The following PTPRN2 variants were observed in gnomAD, a reference collection of about 807,000 sequenced individuals.
The protein encoded by PTPRN2 is receptor-type tyrosine-protein phosphatase N2.
PTPRN2 carries 74 observed loss-of-function variants against 118.8 expected under a neutral mutation model. The ratio of observed to expected loss-of-function variants is 0.62; its 90% CI spans 0.52 to 0.76. The LOEUF is 0.76. PTPRN2 is among the 30% of genes least tolerant of loss of function. PTPRN2 has a pLI of 0.00. For synonymous variants in PTPRN2, 641 were observed against 608.0 expected (o/e 1.05, Z -0.80); for missense variants, 1,481 against 1,394.4 (o/e 1.06, Z -0.99).
chr7:158,532,919 C>T, intron 1 of PTPRN2: 1 of 446,524 alleles, frequency 2.2e-6, no homozygotes, highest in Non-Finnish European at 4.7e-6. Context: ...ACACCTGCTC[C>T]CTCCTGACTG....
At chr7:157,646,419 T>C (rs1036481922) in intron 14 of PTPRN2, among the ~76,000 whole-genome samples, 1 of 152,190 alleles carries the variant, frequency 6.6e-6, no homozygotes, top group Non-Finnish European at 1.5e-5. Flanking sequence ...CATGACTGGA[T>C]ACTTCCTGAG....
chr7:157,638,804 C>G lies in PTPRN2; in HGVS notation c.2197-17295G>C, dbSNP rs544439009. On this transcript the variant is annotated intron_variant, in intron 14 of 22. Coordinates refer to ENST00000389418, the MANE Select transcript of PTPRN2 (RefSeq NM_002847.5). ...CAGCTGCCTTGTCGTCACTCAGCCA[C>G]GTGGACCACCTGGACTTCCCTAAGG... Among the ~76,000 whole-genome samples the G allele has an allele frequency of 6.6e-5, 10 of 152,296 alleles. No homozygotes were observed. In the East Asian group the frequency reaches 1.9e-3, roughly 29 times the overall value.
rs58042596 is a variant in PTPRN2, at chr7:158,306,863, T to G, written c.277+9956A>C. On this transcript the variant is annotated intron_variant, in intron 3 of 22. Coordinates refer to ENST00000389418, the MANE Select transcript of PTPRN2 (RefSeq NM_002847.5). Reference sequence around the variant, plus strand: ...TAAATGAGCTGTTTTTTGTTTTTTTTTTTTTTTTTTTTTTTTTTTTTTAGA... The same window carrying G: ...TAAATGAGCTGTTTTTTGTTTTTTTGTTTTTTTTTTTTTTTTTTTTTTAGA... Among the ~76,000 whole-genome samples the G allele has an allele frequency of 1.0e-3, 88 of 85,296 alleles. 1 individual carries two copies. Among genetic ancestry groups the G allele is most frequent in the Middle Eastern group, 6.8e-3 (1 of 148 alleles). 56.0% of individuals were successfully genotyped at this position (85,296 alleles called of 152,430 possible).
chr7:158,267,898 C>T (rs1255523446), intron 3 of PTPRN2, among the ~76,000 whole-genome samples: 3 of 152,206 alleles, frequency 2.0e-5, no homozygotes, highest in African/African-American at 4.8e-5. Context: ...CCTCCTTCAC[C>T]TCACCTCCCT....
intron 1 of PTPRN2, among the ~76,000 whole-genome samples, chr7:158,514,082 C>T (rs1031455812): frequency 3.9e-5 from 6 of 152,248 alleles, no homozygotes; most frequent in African/African-American, 7.2e-5. Context: ...TCAAATGAGG[C>T]GGATGGAAGC....
chr7:157,787,054 G>A lies in PTPRN2; in HGVS notation c.1789-104117C>T, dbSNP rs1357398834. On this transcript the variant is annotated intron_variant, in intron 12 of 22. Transcript: ENST00000389418. This position sits in a 1 kb window ranked among gnomAD's most constrained non-coding sequence, Gnocchi z 5.3. Reference sequence around the variant, plus strand: ...GCGGGGGACGCGGGGGTGGCTGCCCGGGAGGCGGACGCGGGTGCGGCGGGG... The same window carrying A: ...GCGGGGGACGCGGGGGTGGCTGCCCAGGAGGCGGACGCGGGTGCGGCGGGG... Among the ~76,000 whole-genome samples, 3 of 145,994 alleles carry A rather than the reference G, an allele frequency of 2.1e-5. No homozygotes were observed. Among genetic ancestry groups the A allele is most frequent in the Admixed American group, 6.8e-5 (1 of 14,780 alleles).
chr7:157,811,850 G>A (rs1806062725), intron 12 of PTPRN2, among the ~76,000 whole-genome samples: 4 of 152,118 alleles, frequency 2.6e-5, no homozygotes, highest in Admixed American at 1.3e-4. Context: ...GACCAAAGCT[G>A]AGGCTGTTTT....
intron 21 of PTPRN2, among the ~76,000 whole-genome samples, chr7:157,549,896 T>G (rs143223176): frequency 6.6e-6 from 1 of 152,302 alleles, no homozygotes; most frequent in South Asian, 2.1e-4. Flanking sequence ...AGGCACTTCA[T>G]GTCACCTCTA....
At chr7:157,843,568 G>A (rs901277732) in intron 12 of PTPRN2, among the ~76,000 whole-genome samples, 3 of 152,204 alleles carry the variant, frequency 2.0e-5, no homozygotes, top group African/African-American at 7.2e-5. Flanking sequence ...GCCACTGACT[G>A]TCGGGATTCC....
At chr7:158,068,109 G>A (rs907960425) in intron 11 of PTPRN2, among the ~76,000 whole-genome samples, 6 of 152,228 alleles carry the variant, frequency 3.9e-5, no homozygotes, top group Non-Finnish European at 5.9e-5. Flanking sequence ...ACTTGGTGGG[G>A]GTCCAGGCTG....
At chr7:158,290,078 C>G (rs947287896) in intron 3 of PTPRN2, among the ~76,000 whole-genome samples, 1 of 152,170 alleles carries the variant, frequency 6.6e-6, no homozygotes, top group East Asian at 1.9e-4. Flanking sequence ...TGTCCTGGGG[C>G]TAAGGTGGGC....
At chr7:157,797,214 C>T (rs942233401) in intron 12 of PTPRN2, among the ~76,000 whole-genome samples, 13 of 152,238 alleles carry the variant, frequency 8.5e-5, no homozygotes, top group East Asian at 1.9e-4. Context: ...AAACCTCCAA[C>T]GTGAAATGAG....
intron 12 of PTPRN2, among the ~76,000 whole-genome samples, chr7:157,745,536 A>C (rs1800876469): frequency 1.3e-5 from 2 of 152,022 alleles, no homozygotes; most frequent in Non-Finnish European, 2.9e-5. Context: ...CTCCTCCGAC[A>C]ATGCTCACCT....
chr7:157,935,645 A>T (rs1339767434), intron 11 of PTPRN2, among the ~76,000 whole-genome samples: 1 of 152,158 alleles, frequency 6.6e-6, no homozygotes, highest in East Asian at 1.9e-4. Flanking sequence ...ATGGGTCCTA[A>T]TGTCCTGTTT....
chr7:157,693,838 A>G (rs1797641634), intron 12 of PTPRN2, among the ~76,000 whole-genome samples: 2 of 152,046 alleles, frequency 1.3e-5, no homozygotes, highest in Admixed American at 1.3e-4. Flanking sequence ...GGCGGCCGGG[A>G]GCTCTCCGAG....
At chr7:157,699,859 G>A (rs138614603) in intron 12 of PTPRN2, among the ~76,000 whole-genome samples, 2 of 152,312 alleles carry the variant, frequency 1.3e-5, no homozygotes, top group East Asian at 1.9e-4. Context: ...TGGAGCCGCC[G>A]CATGTCCTCG....
intron 11 of PTPRN2, among the ~76,000 whole-genome samples, chr7:158,071,399 C>CGTGGTGGAGTTGCTCCTG (rs1563391072): frequency 4.8e-5 from 1 of 20,964 alleles, no homozygotes; most frequent in Non-Finnish European, 9.0e-5. Context: ...TGGAGGTGCT[C>CGTGGTGGAGTTGCTCCTG]GTGGTGGAGT....
chr7:157,575,804 G>T (rs908064992), intron 19 of PTPRN2, among the ~76,000 whole-genome samples: 16 of 152,146 alleles, frequency 1.1e-4, no homozygotes, highest in Non-Finnish European at 2.2e-4. Flanking sequence ...TTGGATATTT[G>T]TCTCTTTTCC....
At chr7:158,510,443 A>ACTCTCT (rs10581746) in intron 1 of PTPRN2, among the ~76,000 whole-genome samples, 11 of 147,534 alleles carry the variant, frequency 7.5e-5, no homozygotes, top group Admixed American at 6.1e-4. Context: ...GTGTGTGTTT[A>ACTCTCT]CTCTCTCTCT....
Sources: allele counts gnomAD v4.1 joint callset (sites outside exome capture counted in the v4.1 genomes callset), GRCh38; gene constraint gnomAD v4.1.1; non-coding constraint Gnocchi (gnomAD v3.1); transcripts MANE v1.5; gene names NCBI Gene and HGNC (gene_info 2026-07-23, HGNC 2026-07-21).